Variants in CHSY1 observed in about 807,000 individuals in gnomAD.
CHSY1 encodes the protein N-acetylgalactosaminyl-proteoglycan 3-beta-glucuronosyltransferase 1.
In CHSY1, 13 loss-of-function variants were observed where a neutral mutation model predicts 59.8. The ratio of observed to expected loss-of-function variants is 0.22; its 90% CI spans 0.14 to 0.35. The LOEUF is 0.35. Among genes scored for constraint, CHSY1 ranks in the 10% least tolerant of loss-of-function variants. CHSY1 has a pLI of 1.00. For synonymous variants in CHSY1, 459 were observed against 401.2 expected (o/e 1.14, Z -1.72); for missense variants, 947 against 1,030.6 (o/e 0.92, Z 1.11).
At chr15:101,190,730 A>G (rs1490513706) in intron 2 of CHSY1, among the ~76,000 whole-genome samples, 1 of 152,252 alleles carries the variant, frequency 6.6e-6, no homozygotes, top group Non-Finnish European at 1.5e-5. Context: ...ATATACAAAG[A>G]ATTTCTAAAC....
rs62621400 is a variant in CHSY1 at position 101,178,034 on chromosome 15, C to G, written c.1763G>C (p.Arg588Thr). Residue 588 changes from arginine (R) to threonine (T), a missense_variant, in exon 3 of 3, where the codon AGA (arginine) becomes ACA (threonine). Physicochemically the swap from Arg to Thr is moderately conservative, Grantham distance 71 (BLOSUM62 -1). Transcript: ENST00000254190. ...TTTAGGGTACTTAATGCGGTAATCT[C>G]TCATCAGTTCAACTTGTTTGGCCTT... Reference protein sequence around the residue: ...PDKAKQVELMRDYRIKYPKAD... With the variant: ...PDKAKQVELMTDYRIKYPKAD... 97,551 of 1,614,148 alleles carry G rather than the reference C, an allele frequency of 0.06. 3,837 individuals carry two copies. Among genetic ancestry groups the G allele is most frequent in the South Asian group, 0.16 (14,234 of 91,076 alleles).
At chr15:101,224,359 G>T (rs941167005) in intron 2 of CHSY1, among the ~76,000 whole-genome samples, 4 of 152,158 alleles carry the variant, frequency 2.6e-5, no homozygotes, top group African/African-American at 9.7e-5. Context: ...GCCAAGTCTG[G>T]CCTCCCACTA....
chr15:101,237,245 A>AAAAC (rs1369310088), intron 1 of CHSY1, among the ~76,000 whole-genome samples: 1 of 151,442 alleles, frequency 6.6e-6, no homozygotes, highest in Non-Finnish European at 1.5e-5. Flanking sequence ...AAAAAAAAAA[A>AAAAC]AAACAGAGGC....
chr15:101,240,105 T>C (rs1218816851), intron 1 of CHSY1, among the ~76,000 whole-genome samples: 1 of 152,246 alleles, frequency 6.6e-6, no homozygotes, highest in Admixed American at 6.5e-5. Flanking sequence ...CCTCATGTTG[T>C]CCTTTTCTGT....
chr15:101,225,068 C>A (rs1261099148), intron 2 of CHSY1, among the ~76,000 whole-genome samples: 1 of 152,230 alleles, frequency 6.6e-6, no homozygotes, highest in Non-Finnish European at 1.5e-5. Context: ...TCTAATTGAT[C>A]CAGGCACCCA....
In CHSY1 at chr15:101,235,377, A is replaced by G; in HGVS notation, c.521T>C (p.Val174Ala). Residue 174 changes from valine (V) to alanine (A), a missense_variant, in exon 2 of 3, where the codon GTG (valine) becomes GCG (alanine). Physicochemically the swap from Val to Ala is moderately conservative, Grantham distance 64. Around this residue, in one of 4 missense-constraint regions of CHSY1, gnomAD observed 108 missense variants for 144.4 expected, o/e 0.75. Coordinates refer to ENST00000254190, the MANE Select transcript of CHSY1 (RefSeq NM_014918.5). ...YEWFMRADDD[V>A]YIKGDRLENF... The stretch of plus-strand genomic sequence containing the variant: ...CTCCAGACGGTCTCCTTTGATGTAC[A>G]CGTCATCATCTGCTCTCATAAACCA... The G allele has an allele frequency of 6.2e-7, 1 of 1,614,138 alleles. No individual in the cohort carries two copies. Among genetic ancestry groups the G allele is most frequent in the Non-Finnish European group, 8.5e-7 (1 of 1,180,006 alleles).
At chr15:101,201,308 G>A (rs1027277351) in intron 2 of CHSY1, among the ~76,000 whole-genome samples, 6 of 152,184 alleles carry the variant, frequency 3.9e-5, no homozygotes, top group African/African-American at 1.4e-4. Context: ...TAAAGAAGGA[G>A]TTGCCTATTA....
intron 2 of CHSY1, among the ~76,000 whole-genome samples, chr15:101,195,971 A>G (rs987385854): frequency 6.6e-6 from 1 of 152,108 alleles, no homozygotes; most frequent in Non-Finnish European, 1.5e-5. Context: ...ATACAAGACC[A>G]GGAGCAGTGG....
rs572949675 is a variant in CHSY1, at chr15:101,251,100, G to T, written c.320+37C>A. On this transcript the variant is annotated intron_variant, in intron 1 of 2. Coordinates refer to ENST00000254190, the MANE Select transcript of CHSY1 (RefSeq NM_014918.5). The stretch of plus-strand genomic sequence containing the variant: ...CCGGGATGCCGGCCGCCGGGATGCC[G>T]GACGCAGGAGGCGGTGCCCGGGGAG... 3.3e-6 allele frequency: 5 copies of T among 1,536,366 alleles called. No homozygotes were observed. The East Asian group carries it at 9.7e-5, about 30-fold the overall frequency.
intron 1 of CHSY1, among the ~76,000 whole-genome samples, chr15:101,241,788 C>T (rs2141279698): frequency 6.6e-6 from 1 of 152,260 alleles, no homozygotes; most frequent in South Asian, 2.1e-4. Context: ...GGGTTTTTCT[C>T]TCTGTAGAAC....
intron 1 of CHSY1, among the ~76,000 whole-genome samples, chr15:101,242,302 C>A (rs577924396): frequency 1.3e-5 from 2 of 152,352 alleles, no homozygotes; most frequent in Admixed American, 6.5e-5. Context: ...CCAGGGCAAA[C>A]CCTGACTCAG....
At chr15:101,250,456 G>A (rs1263196065) in intron 1 of CHSY1, among the ~76,000 whole-genome samples, 1 of 152,010 alleles carries the variant, frequency 6.6e-6, no homozygotes, top group Admixed American at 6.6e-5. Flanking sequence ...GACTCATTTG[G>A]CCAACTAGAG....
chr15:101,179,296 T>C (rs1055727139), intron 2 of CHSY1, among the ~76,000 whole-genome samples: 2 of 152,136 alleles, frequency 1.3e-5, no homozygotes, highest in African/African-American at 4.8e-5. Context: ...GCCTGAAAGA[T>C]AAAGCCACCC....
chr15:101,215,671 G>A (rs1048437127), intron 2 of CHSY1, among the ~76,000 whole-genome samples: 2 of 152,228 alleles, frequency 1.3e-5, no homozygotes, highest in Non-Finnish European at 2.9e-5. Context: ...GGAGGTGGAG[G>A]CTGCAGTGAG....
At position 101,185,018 on chromosome 15, in the gene CHSY1, G is replaced by A. The variant is rs1377400689; in HGVS notation, c.817-6038C>T. 4.6e-5 allele frequency among the ~76,000 whole-genome samples: 7 copies of A among 152,180 alleles called. 1 individual carries two copies. The South Asian group carries it at 8.3e-4, about 18-fold the overall frequency. On this transcript the variant is annotated intron_variant, in intron 2 of 2. Transcript: ENST00000254190. ...GCAACAGGTGAGCAGACACTCTGTC[G>A]CAGGTAAGGACGAGTACCTCCACCT... is the stretch of plus-strand genomic sequence containing the variant.
At chr15:101,217,960 T>A (rs1159193694) in intron 2 of CHSY1, among the ~76,000 whole-genome samples, 1 of 152,162 alleles carries the variant, frequency 6.6e-6, no homozygotes, top group Non-Finnish European at 1.5e-5. Flanking sequence ...GTGATCAAGG[T>A]CAACATCAAC....
chr15:101,234,729 T>G (rs1183790986), intron 2 of CHSY1, among the ~76,000 whole-genome samples: 1 of 152,090 alleles, frequency 6.6e-6, no homozygotes, highest in Admixed American at 6.5e-5. Context: ...TAGCCTAGCG[T>G]GGTGGCGCCT....
intron 2 of CHSY1, among the ~76,000 whole-genome samples, chr15:101,200,250 CGTAAAAAA>C (rs56051069): frequency 0.019 from 2,831 of 152,184 alleles, 38 homozygotes; most frequent in East Asian, 0.075. Context: ...AGAGTATCCA[CGTAAAAAA>C]TAAGAGACGC....
chr15:101,209,140 T>C (rs2038657986), intron 2 of CHSY1, among the ~76,000 whole-genome samples: 1 of 152,218 alleles, frequency 6.6e-6, no homozygotes, highest in Non-Finnish European at 1.5e-5. Flanking sequence ...CTAATCACTC[T>C]ACCTTAGTTA....
Sources: allele counts gnomAD v4.1 joint callset (sites outside exome capture counted in the v4.1 genomes callset), GRCh38; gene constraint gnomAD v4.1.1; regional missense constraint gnomAD v4.1.1; transcripts MANE v1.5; gene names NCBI Gene and HGNC (gene_info 2026-07-23, HGNC 2026-07-21).